The following GTF3C1 variants were observed in gnomAD, a reference collection of about 807,000 sequenced individuals.
The protein encoded by GTF3C1 is general transcription factor IIIC subunit 1.
A neutral mutation model predicts 226.7 loss-of-function variants in GTF3C1; 57 were observed. The ratio of observed to expected loss-of-function variants is 0.25; its 90% CI spans 0.20 to 0.31. The LOEUF is 0.31. Ranked by LOEUF, GTF3C1 falls within the 10% of genes least tolerant of loss-of-function variation. The pLI is 1.00. For missense variants in GTF3C1, 2,217 were observed against 2,776.1 expected, an observed-to-expected ratio of 0.80 and a Z score of 4.53; for synonymous variants, 1,090 against 1,084.8, an observed-to-expected ratio of 1.00 and a Z score of -0.09.
chr16:27,539,099 C>T, intron 2 of GTF3C1, among the ~76,000 whole-genome samples: 1 of 150,846 alleles, frequency 6.6e-6, no homozygotes. Context: ...CCAGGACATC[C>T]TCAGTGCGCA....
At chr16:27,485,883 G>T in intron 24 of GTF3C1, 114 bp downstream of exon 24, 1 of 629,936 alleles carries the variant, frequency 1.6e-6, no homozygotes. Context: ...TTTCCCAGTG[G>T]CGAAGCAGAG....
intron 24 of GTF3C1, among the ~76,000 whole-genome samples, chr16:27,485,167 ACAAGGGATCTAATAGTTGGCAGG>A (rs1005803721): frequency 1.3e-5 from 2 of 152,270 alleles, no homozygotes; most frequent in African/African-American, 4.8e-5. Flanking sequence ...AGCGGTCAAG[ACAAGGGATCTAATAGTTGGCAGG>A]CAAGGAGCAT....
rs117718897 is a variant in GTF3C1, at chr16:27,471,156, G to A, written c.4526+592C>T. The stretch of plus-strand genomic sequence containing the variant: ...ACTGCAGCCCCGTGCAGACCTGAGT[G>A]CGGGGAAGGAGAATGGTGTGAAGGG... On this transcript the variant is annotated intron_variant, in intron 30 of 36. Transcript: ENST00000356183. The surrounding 1 kb of genome is among the most constrained non-coding windows in gnomAD (Gnocchi z 5.0). 2.0e-5 allele frequency among the ~76,000 whole-genome samples: 3 copies of A among 152,382 alleles called. No homozygotes were observed. The highest frequency in any genetic ancestry group is 1.9e-4 in the East Asian group (1 of 5,190).
chr16:27,548,905 G>C (rs909009216), intron 1 of GTF3C1, among the ~76,000 whole-genome samples: 1 of 152,214 alleles, frequency 6.6e-6, no homozygotes, highest in African/African-American at 2.4e-5. Context: ...TGTAATCACA[G>C]CACTTTGGGA....
chr16:27,469,522 C>A lies in GTF3C1; in HGVS notation c.4843G>T (p.Asp1615Tyr), dbSNP rs1409927901. 6.2e-7 allele frequency: 1 copy of A among 1,612,746 alleles called. No individual in the cohort carries two copies. Among genetic ancestry groups the A allele is most frequent in the Admixed American group, 1.7e-5 (1 of 59,996 alleles). Residue 1615 changes from aspartate to tyrosine, a missense_variant, in exon 32 of 37, where the codon GAC (aspartate) becomes TAC (tyrosine). Asp to Tyr is a radical substitution (Grantham distance 160). Transcript: ENST00000356183. The surrounding 1 kb of genome is among the most constrained non-coding windows in gnomAD (Gnocchi z 4.5). ...SLGKDGSLEDDEDEEDDLDEG... is the reference protein window; with the variant it reads ...SLGKDGSLEDYEDEEDDLDEG... ...TCCAAGTCATCCTCTTCATCCTCGT[C>A]ATCCTCCAGGCTGCCGTCCTTCCCC...
In GTF3C1 at chr16:27,461,086, A is replaced by C. The variant is rs2087695797; in HGVS notation, c.*264T>G. On this transcript the variant is annotated 3_prime_UTR_variant, in exon 37 of 37. Coordinates refer to ENST00000356183, the MANE Select transcript of GTF3C1 (RefSeq NM_001520.4). This position sits in a 1 kb window ranked among gnomAD's most constrained non-coding sequence, Gnocchi z 5.3. ...CAAACTCTGGAGACCCAGAGACAAGAAGCACCAACTCCCAGTGTGATGAGG... is the reference window on the plus strand; with the variant it reads ...CAAACTCTGGAGACCCAGAGACAAGCAGCACCAACTCCCAGTGTGATGAGG... 1 of 408,940 alleles carries C rather than the reference A, an allele frequency of 2.4e-6. No individual in the cohort carries two copies. The highest frequency in any genetic ancestry group is 4.4e-6 in the Non-Finnish European group (1 of 225,350). 25.3% of individuals were successfully genotyped at this position (408,940 alleles called of 1,614,324 possible).
In GTF3C1 at chr16:27,511,834, G is replaced by A. The variant is rs780661781; in HGVS notation, c.1041C>T (p.Asp347=). 1.8e-4 allele frequency: 288 copies of A among 1,614,022 alleles called. No homozygotes were observed. The highest frequency in any genetic ancestry group is 2.3e-4 in the Non-Finnish European group (276 of 1,180,050). The change falls in exon 7 of 37, where the codon GAC becomes GAT. Residue 347 remains aspartate, a synonymous_variant. Transcript: ENST00000356183. ...TCTTGGAGATGACCTCCTCGTCCTC[G>A]TCATCATCATGGTCATTCCGTTTAA... is the stretch of plus-strand genomic sequence containing the variant. ...KEFKRNDHDD[D]EDEEVISKTV... is the part of the protein sequence containing the mutation.
intron 32 of GTF3C1, among the ~76,000 whole-genome samples, chr16:27,466,653 T>C (rs1239325108): frequency 1.3e-5 from 2 of 152,186 alleles, no homozygotes; most frequent in African/African-American, 4.8e-5. Flanking sequence ...TGACAGCCAA[T>C]ATAGATGAAA....
intron 4 of GTF3C1, among the ~76,000 whole-genome samples, chr16:27,534,778 T>A (rs1004035889): frequency 5.9e-5 from 9 of 152,210 alleles, no homozygotes; most frequent in African/African-American, 1.4e-4. Flanking sequence ...AAGATGCTTC[T>A]CTCTAATACT....
At chr16:27,517,273 A>C (rs1292988708) in intron 6 of GTF3C1, among the ~76,000 whole-genome samples, 1 of 152,132 alleles carries the variant, frequency 6.6e-6, no homozygotes, top group Non-Finnish European at 1.5e-5. Flanking sequence ...TCAGAATTTC[A>C]GTTTTTATTA....
intron 2 of GTF3C1, among the ~76,000 whole-genome samples, chr16:27,543,797 C>CT (rs1254300883): frequency 2.6e-5 from 4 of 152,120 alleles, no homozygotes; most frequent in East Asian, 1.9e-4. Flanking sequence ...GGCACAAAAG[C>CT]TTTGAGTCCT....
rs181370061 is a variant in GTF3C1, at chr16:27,504,526, G to T, written c.1770+1373C>A. On this transcript the variant is annotated intron_variant, in intron 10 of 36. Coordinates refer to ENST00000356183, the MANE Select transcript of GTF3C1 (RefSeq NM_001520.4). ...TTCCAAAGCACAAAAAGGGAGAAGC[G>T]GCGTAGGGTAGGGACTGCACAGGCA... is the stretch of plus-strand genomic sequence containing the variant. Among the ~76,000 whole-genome samples, 379 of 152,316 alleles carry T rather than the reference G, an allele frequency of 2.5e-3. 1 individual carries two copies. The highest frequency in any genetic ancestry group is 2.5e-3 in the Non-Finnish European group (167 of 68,022).
chr16:27,525,745 G>A (rs897005251), intron 6 of GTF3C1, among the ~76,000 whole-genome samples: 4 of 152,162 alleles, frequency 2.6e-5, no homozygotes, highest in Admixed American at 6.5e-5. Flanking sequence ...GAATGAAGTC[G>A]GTCTCCACAG....
chr16:27,524,023 T>C (rs2088791922), intron 6 of GTF3C1, among the ~76,000 whole-genome samples: 1 of 152,202 alleles, frequency 6.6e-6, no homozygotes, highest in African/African-American at 2.4e-5. Flanking sequence ...AAAGTCCTCT[T>C]GTCCCAGCTC....
intron 6 of GTF3C1, among the ~76,000 whole-genome samples, chr16:27,517,257 C>T (rs2088672199): frequency 6.6e-6 from 1 of 152,188 alleles, no homozygotes; most frequent in Non-Finnish European, 1.5e-5. Flanking sequence ...TAGAGTTTTA[C>T]CAGGCTCAGA....
intron 11 of GTF3C1, among the ~76,000 whole-genome samples, chr16:27,502,459 T>C (rs2088421277): frequency 6.6e-6 from 1 of 152,196 alleles, no homozygotes; most frequent in Non-Finnish European, 1.5e-5. Flanking sequence ...AAGACTCTAT[T>C]TGCGCAAAAT....
chr16:27,462,921 C>T lies in GTF3C1; in HGVS notation c.5925-435G>A, dbSNP rs1264606175. 5.5e-6 allele frequency: 1 copy of T among 182,188 alleles called. No individual in the cohort carries two copies. Among genetic ancestry groups the T allele is most frequent in the African/African-American group, 2.3e-5 (1 of 42,750 alleles). The allele number at this position is 182,188 out of a possible 1,614,324, so 11.3% of individuals were successfully genotyped here. A position where few individuals can be genotyped will look rare whatever the true frequency, so the allele number is the denominator to read the frequency against. ...TTCCTCGAAACAGACGTTTCTGTTA[C>T]TAAACCAGAGACTGAACAGCCACCC... On this transcript the variant is annotated intron_variant, in intron 35 of 36. Transcript: ENST00000356183. This position sits in a 1 kb window ranked among gnomAD's most constrained non-coding sequence, Gnocchi z 4.5.
chr16:27,463,881 A>G lies in GTF3C1; in HGVS notation c.5873-289T>C. On this transcript the variant is annotated intron_variant, in intron 34 of 36. Transcript: ENST00000356183. This position sits in a 1 kb window ranked among gnomAD's most constrained non-coding sequence, Gnocchi z 4.9. ...CATTTTCCACCCAGAAGCCCCGACC[A>G]CAAGGGTGGTATAAAACCCGAGGCA... The G allele has an allele frequency of 6.2e-6, 3 of 487,186 alleles. No homozygotes were observed. Among genetic ancestry groups the G allele is most frequent in the Non-Finnish European group, 7.2e-6 (2 of 278,808 alleles). 30.2% of individuals were successfully genotyped at this position (487,186 alleles called of 1,614,324 possible). A position where few individuals can be genotyped will look rare whatever the true frequency, so the allele number is the denominator to read the frequency against.
intron 14 of GTF3C1, 99 bp downstream of exon 14, chr16:27,497,538 C>T (rs534849730): frequency 2.2e-5 from 20 of 905,972 alleles, no homozygotes; most frequent in South Asian, 1.3e-4. Flanking sequence ...CTTCTGACTG[C>T]GGCTCGGAGC....
Sources: allele counts gnomAD v4.1 joint callset (sites outside exome capture counted in the v4.1 genomes callset), GRCh38; gene constraint gnomAD v4.1.1; non-coding constraint Gnocchi (gnomAD v3.1); transcripts MANE v1.5; gene names NCBI Gene and HGNC (gene_info 2026-07-23, HGNC 2026-07-21).